Variants in NSRP1 observed in about 807,000 individuals in gnomAD.
NSRP1 encodes the protein nuclear speckle splicing regulatory protein 1, also known as coiled-coil domain containing 55.
NSRP1 carries 24 observed loss-of-function variants against 54.7 expected under a neutral mutation model. That is an observed-to-expected ratio of 0.44 (90% CI 0.32 to 0.62). The LOEUF (loss-of-function observed/expected upper bound fraction) is 0.62, where lower values mean the gene tolerates loss of function less well. NSRP1 is among the 20% of genes least tolerant of loss of function. The pLI is 0.06. For synonymous variants in NSRP1, 210 were observed against 213.8 expected (o/e 0.98, Z 0.15); for missense variants, 596 against 651.2 (o/e 0.92, Z 0.92).
chr17:30,177,501 C>T (rs950963342), intron 3 of NSRP1, among the ~76,000 whole-genome samples: 18 of 151,922 alleles, frequency 1.2e-4, no homozygotes, highest in African/African-American at 4.4e-4. Flanking sequence ...GGCCCTGAAA[C>T]ACTGGGTAAG....
chr17:30,152,811 C>G (rs2143004324), intron 2 of NSRP1, among the ~76,000 whole-genome samples: 1 of 148,134 alleles, frequency 6.8e-6, no homozygotes, highest in Admixed American at 6.7e-5. Flanking sequence ...ACATACGTTT[C>G]TCTTTAATTC....
At chr17:30,175,837 C>A (rs1905105984) in intron 3 of NSRP1, among the ~76,000 whole-genome samples, 2 of 151,970 alleles carry the variant, frequency 1.3e-5, no homozygotes, top group Non-Finnish European at 2.9e-5. Context: ...TGAAAATGTT[C>A]TGTATTGATA....
At chr17:30,162,810 A>G (rs942540227) in intron 2 of NSRP1, among the ~76,000 whole-genome samples, 1 of 152,076 alleles carries the variant, frequency 6.6e-6, no homozygotes. Context: ...ATGGTCTAGT[A>G]CCTATACTTT....
intron 6 of NSRP1, among the ~76,000 whole-genome samples, chr17:30,181,398 CTTTT>C (rs61484398): frequency 8.2e-6 from 1 of 121,896 alleles, no homozygotes; most frequent in Non-Finnish European, 1.7e-5. Context: ...TTTCTTTTTT[CTTTT>C]TTTTTTTTTT....
At position 30,135,188 on chromosome 17, in the gene NSRP1, A is replaced by C. The variant is rs1418383169; in HGVS notation, c.114+17015A>C. Among the ~76,000 whole-genome samples the C allele has an allele frequency of 2.0e-5, 3 of 151,678 alleles. No individual in the cohort carries two copies. The East Asian group carries it at 5.8e-4, about 29-fold the overall frequency. The stretch of plus-strand genomic sequence containing the variant: ...GGCTGGAGTGAAGTGGTGCAGTGAC[A>C]GCTCACTGCAACCTCTGCGTCCAGG... On this transcript the variant is annotated intron_variant, in intron 2 of 6. Transcript: ENST00000247026.
chr17:30,179,061 C>A, intron 4 of NSRP1, 29 bp from the exon 5 acceptor site: 1 of 1,345,402 alleles, frequency 7.4e-7, no homozygotes, highest in Non-Finnish European at 9.8e-7. Context: ...TTTTTTTACT[C>A]TTTTCCTAAA....
chr17:30,176,460 A>C (rs943999411), intron 3 of NSRP1, among the ~76,000 whole-genome samples: 1 of 152,058 alleles, frequency 6.6e-6, no homozygotes, highest in African/African-American at 2.4e-5. Flanking sequence ...AATACAAAAA[A>C]TTAGCCAGGC....
Position 30,173,314 on chromosome 17 carries a change from T to C in NSRP1, c.171+716T>C, listed in dbSNP as rs1037467369. Reference sequence around the variant, plus strand: ...TTTCCAAGTGCTTTTTACATACATTTATCTTTTACAGTTCTCACAAACTTG... The same window carrying C: ...TTTCCAAGTGCTTTTTACATACATTCATCTTTTACAGTTCTCACAAACTTG... On this transcript the variant is annotated intron_variant, in intron 3 of 6. Transcript: ENST00000247026. Among the ~76,000 whole-genome samples the C allele has an allele frequency of 1.3e-5, 2 of 152,200 alleles. 1 individual carries two copies. Among genetic ancestry groups the C allele is most frequent in the South Asian group, 4.1e-4 (2 of 4,834 alleles).
At chr17:30,123,278 C>G (rs1223376542) in intron 2 of NSRP1, among the ~76,000 whole-genome samples, 2 of 151,682 alleles carry the variant, frequency 1.3e-5, no homozygotes, top group Admixed American at 1.3e-4. Flanking sequence ...CCACTACGCC[C>G]AGCTAATTTT....
chr17:30,148,990 C>T (rs576264378), intron 2 of NSRP1, among the ~76,000 whole-genome samples: 1 of 151,960 alleles, frequency 6.6e-6, no homozygotes, highest in Admixed American at 6.6e-5. Context: ...TATTGCTTCC[C>T]TGGGTTATTT....
In NSRP1 at chr17:30,131,643, G is replaced by A. The variant is rs570218926; in HGVS notation, c.114+13470G>A. 3.3e-5 allele frequency among the ~76,000 whole-genome samples: 5 copies of A among 152,284 alleles called. No individual in the cohort carries two copies. In the South Asian group the frequency reaches 1.0e-3, roughly 32 times the overall value. Reference sequence around the variant, plus strand: ...AGCCAGCAATAATCTTTTTGCTGGTGGAGGGTTTTGTCTCAATGTTAATGG... The same window carrying A: ...AGCCAGCAATAATCTTTTTGCTGGTAGAGGGTTTTGTCTCAATGTTAATGG... On this transcript the variant is annotated intron_variant, in intron 2 of 6. Coordinates refer to ENST00000247026, the MANE Select transcript of NSRP1 (RefSeq NM_032141.4).
Position 30,167,182 on chromosome 17 carries a change from C to T in NSRP1, c.115-5360C>T, listed in dbSNP as rs147437362. Among the ~76,000 whole-genome samples the T allele has an allele frequency of 5.9e-4, 90 of 152,204 alleles. No homozygotes were observed. The East Asian group carries it at 0.017, about 28-fold the overall frequency. On this transcript the variant is annotated intron_variant, in intron 2 of 6. Transcript: ENST00000247026. The stretch of plus-strand genomic sequence containing the variant: ...GGCTTATTTTACTTAAGGTAATGAC[C>T]TCCAGTTCCTTCCATGTTGCTGTAA...
At chr17:30,171,976 CCTCTCT>C (rs58666089) in intron 2 of NSRP1, among the ~76,000 whole-genome samples, 848 of 80,404 alleles carry the variant, frequency 0.011, 6 homozygotes, top group Middle Eastern at 0.051. Context: ...ACACACACTC[CCTCTCT>C]CTCTCTCTCT....
intron 6 of NSRP1, among the ~76,000 whole-genome samples, chr17:30,181,617 T>A (rs1422006290): frequency 6.9e-6 from 1 of 144,610 alleles, no homozygotes; most frequent in African/African-American, 2.5e-5. Context: ...TTTGTTTTTT[T>A]TTTTTTTAGA....
intron 3 of NSRP1, among the ~76,000 whole-genome samples, chr17:30,176,607 C>CG (rs1905133903): frequency 1.2e-5 from 1 of 80,716 alleles, no homozygotes. Flanking sequence ...AAGACTTCGT[C>CG]CCCCCCCCCC....
At chr17:30,117,161 C>T in intron 1 of NSRP1, 1 of 715,456 alleles carries the variant, frequency 1.4e-6, no homozygotes, top group South Asian at 1.5e-5. Flanking sequence ...AGTCTTGCTT[C>T]CTAACCCGCG....
Position 30,184,594 on chromosome 17 carries a change from TTTTTG to T in NSRP1, c.618-16_618-12del. 1.3e-6 allele frequency: 2 copies of T among 1,523,962 alleles called. No homozygotes were observed. The highest frequency in any genetic ancestry group is 1.8e-6 in the Non-Finnish European group (2 of 1,138,692). 94.4% of individuals were successfully genotyped at this position (1,523,962 alleles called of 1,614,324 possible). On this transcript the variant is annotated splice_polypyrimidine_tract_variant and intron_variant, in intron 6 of 6. Transcript: ENST00000247026. Reference sequence around the variant, plus strand: ...ATAATGTGGCATTTTTTTCTGCCCTTTTTTGTTTTTTGTTTCTAAGATCTGGTATA... The same window carrying T: ...ATAATGTGGCATTTTTTTCTGCCCTTTTTTTTGTTTCTAAGATCTGGTATA...
At chr17:30,136,041 C>T (rs1324565380) in intron 2 of NSRP1, among the ~76,000 whole-genome samples, 1 of 151,780 alleles carries the variant, frequency 6.6e-6, no homozygotes, top group Non-Finnish European at 1.5e-5. Context: ...GGTGAAACCA[C>T]GTCTCTACTA....
At chr17:30,129,427 A>G (rs567562499) in intron 2 of NSRP1, among the ~76,000 whole-genome samples, 7 of 152,110 alleles carry the variant, frequency 4.6e-5, no homozygotes, top group South Asian at 2.1e-4. Flanking sequence ...TAAAAAAAAA[A>G]AGATAACCAT....
Sources: gnomAD v4.1 joint callset for allele counts (sites outside exome capture counted in the v4.1 genomes callset) on GRCh38, gnomAD v4.1.1 for gene constraint, MANE v1.5 for transcripts, NCBI Gene and HGNC (gene_info 2026-07-23, HGNC 2026-07-21) for gene names.